The following GBP7 variants were observed in gnomAD, a reference collection of about 807,000 sequenced individuals.
GBP7 encodes the protein guanylate-binding protein 7.
Under a neutral mutation model 61.3 loss-of-function variants are expected in GBP7, and 43 were observed. The ratio of observed to expected loss-of-function variants is 0.70; its 90% confidence interval spans 0.55 to 0.91. The LOEUF is 0.91. Among genes scored for constraint, GBP7 ranks in the 40% least tolerant of loss-of-function variants. GBP7 has a pLI of 0.00. For missense variants in GBP7, 717 were observed against 740.5 expected (o/e 0.97, Z 0.37); for synonymous variants, 267 against 271.0 (o/e 0.99, Z 0.14).
chr1:89,163,307 T>A (rs1034279700), intron 3 of GBP7, among the ~76,000 whole-genome samples: 1 of 152,148 alleles, frequency 6.6e-6, no homozygotes, highest in African/African-American at 2.4e-5. Flanking sequence ...TGCCTCCTCC[T>A]CAATTTTTTG....
At chr1:89,144,166 A>G (rs1682015766) in intron 8 of GBP7, among the ~76,000 whole-genome samples, 1 of 152,148 alleles carries the variant, frequency 6.6e-6, no homozygotes, top group African/African-American at 2.4e-5. Context: ...ACTTAGGATA[A>G]TGGCCTCCAG....
At chr1:89,152,871 C>A in intron 3 of GBP7, 94 bp from the exon 4 acceptor site, 1 of 922,364 alleles carries the variant, frequency 1.1e-6, no homozygotes, top group South Asian at 2.5e-5. Context: ...AAACTGAAGT[C>A]ATTCCAGTTT....
At chr1:89,172,828 G>A (rs1390630028) in intron 1 of GBP7, among the ~76,000 whole-genome samples, 2 of 151,398 alleles carry the variant, frequency 1.3e-5, no homozygotes, top group East Asian at 1.9e-4. Flanking sequence ...TGACTAAATA[G>A]GATTTTCTAT....
intron 3 of GBP7, among the ~76,000 whole-genome samples, chr1:89,153,474 T>C (rs997994262): frequency 6.6e-6 from 1 of 152,248 alleles, no homozygotes; most frequent in Non-Finnish European, 1.5e-5. Flanking sequence ...AAGTATGTAG[T>C]AATTAGTGAA....
intron 9 of GBP7, 65 bp downstream of exon 9, chr1:89,141,481 T>C: frequency 7.2e-7 from 1 of 1,397,278 alleles, no homozygotes; most frequent in Non-Finnish European, 1.0e-6. Context: ...TCCTTTTTTC[T>C]GAACATCAAG....
At chr1:89,166,384 GAAT>G (rs1376632884) in intron 2 of GBP7, among the ~76,000 whole-genome samples, 1 of 152,160 alleles carries the variant, frequency 6.6e-6, no homozygotes, top group African/African-American at 2.4e-5. Context: ...GGAGTAGTGA[GAAT>G]AAAATCTTGA....
chr1:89,148,593 G>A (rs1435022601), intron 7 of GBP7, among the ~76,000 whole-genome samples: 1 of 152,210 alleles, frequency 6.6e-6, no homozygotes, highest in Non-Finnish European at 1.5e-5. Context: ...TGAGGCAGAA[G>A]AGGAAGCCAG....
At chr1:89,162,886 T>C (rs1178868025) in intron 3 of GBP7, among the ~76,000 whole-genome samples, 1 of 152,214 alleles carries the variant, frequency 6.6e-6, no homozygotes, top group East Asian at 1.9e-4. Context: ...TAGTATGATG[T>C]TGACAGTGGG....
intron 2 of GBP7, among the ~76,000 whole-genome samples, chr1:89,169,307 CTATT>C (rs1647534258): frequency 6.6e-6 from 1 of 152,134 alleles, no homozygotes; most frequent in African/African-American, 2.4e-5. Flanking sequence ...TGAAAGAGCT[CTATT>C]TAATTGGCTT....
At chr1:89,139,768 C>A (rs1201288678) in intron 9 of GBP7, among the ~76,000 whole-genome samples, 2 of 152,108 alleles carry the variant, frequency 1.3e-5, no homozygotes, top group African/African-American at 4.8e-5. Flanking sequence ...GTTAGAATGG[C>A]GATCATTAAA....
chr1:89,168,209 G>A (rs1412848900), intron 2 of GBP7, among the ~76,000 whole-genome samples: 3 of 151,862 alleles, frequency 2.0e-5, no homozygotes, highest in African/African-American at 7.2e-5. Context: ...TTACTTTTTC[G>A]CTTGGTTACC....
intron 8 of GBP7, among the ~76,000 whole-genome samples, chr1:89,142,649 A>G (rs1557454231): frequency 6.6e-6 from 1 of 152,216 alleles, no homozygotes; most frequent in Non-Finnish European, 1.5e-5. Flanking sequence ...TAGACTTAAC[A>G]GTCACACATG....
chr1:89,146,727 A>G (rs1337891697), intron 8 of GBP7, among the ~76,000 whole-genome samples: 1 of 152,212 alleles, frequency 6.6e-6, no homozygotes, highest in Non-Finnish European at 1.5e-5. Context: ...AATGCAAATG[A>G]AAAACCATAA....
chr1:89,152,592 A>C, intron 4 of GBP7, 76 bp downstream of exon 4: 1 of 1,520,062 alleles, frequency 6.6e-7, no homozygotes, highest in Non-Finnish European at 9.0e-7. Flanking sequence ...ACTGAGTCAC[A>C]ACAAAGAAGA....
In GBP7 at chr1:89,133,404, T is replaced by C; in HGVS notation, c.1516A>G (p.Arg506Gly). The change falls in exon 10 of 11, where the codon AGA becomes GGA. Residue 506 changes from arginine (R) to glycine (G), a missense_variant. By Grantham distance (125) the Arg-to-Gly change is moderately radical. Around this residue, in one of 3 missense-constraint regions of GBP7, gnomAD observed 312 missense variants for 310.1 expected, o/e 1.01. Coordinates refer to ENST00000294671, the MANE Select transcript of GBP7 (RefSeq NM_207398.3). ...TGCTGCTGTTCCTTCTGTTTTTGTCTTAGCAGCTCCTGTTCCTTTTCAGCT... is the reference window on the plus strand; with the variant it reads ...TGCTGCTGTTCCTTCTGTTTTTGTCCTAGCAGCTCCTGTTCCTTTTCAGCT... ...EAAEKEQELLRQKQKEQQQMM... is the reference protein window; with the variant it reads ...EAAEKEQELLGQKQKEQQQMM... 1 of 1,614,152 alleles carries C rather than the reference T, an allele frequency of 6.2e-7. No individual in the cohort carries two copies. Among genetic ancestry groups the C allele is most frequent in the Non-Finnish European group, 8.5e-7 (1 of 1,180,010 alleles).
intron 1 of GBP7, among the ~76,000 whole-genome samples, chr1:89,172,598 T>C (rs1647635116): frequency 6.6e-6 from 1 of 152,218 alleles, no homozygotes; most frequent in Non-Finnish European, 1.5e-5. Flanking sequence ...ATTCATGATG[T>C]TGACATTACT....
At chr1:89,136,767 C>A (rs1557451306) in intron 9 of GBP7, among the ~76,000 whole-genome samples, 1 of 151,890 alleles carries the variant, frequency 6.6e-6, no homozygotes, top group Non-Finnish European at 1.5e-5. Context: ...CAAAAGTGAA[C>A]CAAGCACAAA....
chr1:89,153,295 T>C (rs991682944), intron 3 of GBP7, among the ~76,000 whole-genome samples: 1 of 152,234 alleles, frequency 6.6e-6, no homozygotes, highest in Admixed American at 6.5e-5. Context: ...GTAGTATATA[T>C]AGCTGAATAG....
intron 9 of GBP7, among the ~76,000 whole-genome samples, chr1:89,134,702 A>G (rs1048152694): frequency 1.3e-5 from 2 of 152,214 alleles, no homozygotes; most frequent in Admixed American, 1.3e-4. Flanking sequence ...CCATGAAAGA[A>G]ACAGACACTT....
Sources: gnomAD v4.1 joint callset for allele counts (sites outside exome capture counted in the v4.1 genomes callset) on GRCh38, gnomAD v4.1.1 for gene constraint, gnomAD v4.1.1 regional missense constraint, MANE v1.5 for transcripts, NCBI Gene and HGNC (gene_info 2026-07-23, HGNC 2026-07-21) for gene names.